The following PCM1 variants were observed in gnomAD, a reference collection of about 807,000 sequenced individuals.
The protein encoded by PCM1 is pericentriolar material 1 protein.
A neutral mutation model predicts 241.9 loss-of-function variants in PCM1; 157 were observed. The ratio of observed to expected loss-of-function variants is 0.65; its 90% CI spans 0.57 to 0.74. PCM1 has a LOEUF of 0.74. Among genes scored for constraint, PCM1 ranks in the 30% least tolerant of loss-of-function variants. PCM1 has a pLI of 0.00. For synonymous variants in PCM1, 1,085 were observed against 784.9 expected, an observed-to-expected ratio of 1.38 and a Z score of -6.39; for missense variants, 3,478 against 2,360.1, an observed-to-expected ratio of 1.47 and a Z score of -9.81.
At chr8:18,001,995 C>CTTTTTTTTTTTTT (rs1166401113) in intron 29 of PCM1, among the ~76,000 whole-genome samples, 1 of 23,404 alleles carries the variant, frequency 4.3e-5, no homozygotes, top group Non-Finnish European at 6.5e-5. Flanking sequence ...TCTAACCTTT[C>CTTTTTTTTTTTTT]TTTTTTTTTT....
In PCM1 at chr8:17,960,011, C is replaced by A. The variant is rs556539007; in HGVS notation, c.2041-3C>A. 2 of 1,611,592 alleles carry A rather than the reference C, an allele frequency of 1.2e-6. No individual in the cohort carries two copies. The highest frequency in any genetic ancestry group is 2.2e-5 in the East Asian group (1 of 44,810). On this transcript the variant is annotated splice_region_variant and splice_polypyrimidine_tract_variant and intron_variant, in intron 13 of 38. Coordinates refer to ENST00000325083, the MANE Select transcript of PCM1 (RefSeq NM_006197.4). ...TTGTTTTAATGTAATGATGCTCTTTCAGGATGATGATGCAGCTCAAGGAGT... is the reference window on the plus strand; with the variant it reads ...TTGTTTTAATGTAATGATGCTCTTTAAGGATGATGATGCAGCTCAAGGAGT...
chr8:17,992,678 A>G (rs1397788737), intron 28 of PCM1, among the ~76,000 whole-genome samples: 1 of 148,110 alleles, frequency 6.8e-6, no homozygotes. Context: ...ATGCAGTGGC[A>G]CAATCTCAGC....
At position 18,011,307 on chromosome 8, in the gene PCM1, G is replaced by A. The variant is rs1433696046; in HGVS notation, c.5291G>A (p.Arg1764Lys). ...GTGTATGATGGTCCCAAAAATGTAA[G>A]ATCTGATATTTCTGATCAAGAGGAA... ...SEVYDGPKNV[R>K]SDISDQEEDE... Residue 1764 changes from arginine to lysine, a missense_variant, in exon 33 of 39, where the codon AGA (arginine) becomes AAA (lysine). Physicochemically the swap from Arg to Lys is conservative, Grantham distance 26. Coordinates refer to ENST00000325083, the MANE Select transcript of PCM1 (RefSeq NM_006197.4). The A allele has an allele frequency of 1.9e-6, 3 of 1,607,680 alleles. No individual in the cohort carries two copies. Among genetic ancestry groups the A allele is most frequent in the South Asian group, 2.2e-5 (2 of 89,578 alleles).
intron 33 of PCM1, 131 bp downstream of exon 33, chr8:18,011,497 C>A: frequency 9.5e-7 from 1 of 1,054,382 alleles, no homozygotes; most frequent in Non-Finnish European, 1.3e-6. Flanking sequence ...TCACTGTGAC[C>A]CTGACTAAAT....
chr8:17,947,691 A>G (rs898818497), intron 7 of PCM1, among the ~76,000 whole-genome samples: 3 of 151,868 alleles, frequency 2.0e-5, no homozygotes, highest in Admixed American at 6.6e-5. Flanking sequence ...CTTTTTTTCT[A>G]TTTTATTCAG....
At chr8:17,943,497 AAC>A (rs1414187258) in intron 6 of PCM1, among the ~76,000 whole-genome samples, 1 of 152,208 alleles carries the variant, frequency 6.6e-6, no homozygotes, top group African/African-American at 2.4e-5. Context: ...TTTAAGAGTT[AAC>A]AGTTAATGCA....
chr8:17,974,950 G>A (rs140125270), intron 23 of PCM1, among the ~76,000 whole-genome samples: 48 of 151,808 alleles, frequency 3.2e-4, no homozygotes, highest in Non-Finnish European at 5.4e-4. Context: ...AGTAATATGG[G>A]GTAAAATCAA....
At chr8:18,001,628 A>G (rs1169442857) in intron 29 of PCM1, among the ~76,000 whole-genome samples, 3 of 152,206 alleles carry the variant, frequency 2.0e-5, no homozygotes, top group Non-Finnish European at 4.4e-5. Context: ...GTGAAAAGTA[A>G]TTGTTTTCTT....
chr8:17,944,772 A>G (rs1002139178), intron 6 of PCM1, among the ~76,000 whole-genome samples: 2 of 152,080 alleles, frequency 1.3e-5, no homozygotes, highest in African/African-American at 2.4e-5. Flanking sequence ...TTTTTTGAGC[A>G]TCAGTCTGAA....
Position 17,953,165 on chromosome 8 carries a change from C to G in PCM1, c.1267C>G (p.Gln423Glu), listed in dbSNP as rs542019472. Residue 423 changes from glutamine (Q) to glutamate (E), a missense_variant, in exon 9 of 39, where the codon CAG becomes GAG. Coordinates refer to ENST00000325083, the MANE Select transcript of PCM1 (RefSeq NM_006197.4). ...TGGAGAACTTCATACACTTCGAGATCAGCATCTTAACAATTCATCATGTGA... is the reference window on the plus strand; with the variant it reads ...TGGAGAACTTCATACACTTCGAGATGAGCATCTTAACAATTCATCATGTGA... Reference protein sequence around the residue: ...LLGELHTLRDQHLNNSSSSPQ... With the variant: ...LLGELHTLRDEHLNNSSSSPQ... 3.2e-6 allele frequency: 5 copies of G among 1,569,574 alleles called. No homozygotes were observed. The highest frequency in any genetic ancestry group is 2.3e-5 in the South Asian group (2 of 85,788).
intron 16 of PCM1, among the ~76,000 whole-genome samples, chr8:17,962,615 A>G (rs1321168853): frequency 6.6e-6 from 1 of 152,024 alleles, no homozygotes; most frequent in African/African-American, 2.4e-5. Flanking sequence ...TGTTTCTATT[A>G]ATAGGCCATG....
rs367975361 is a variant in PCM1, at chr8:18,011,858, C to T, written c.5511+31C>T. The T allele has an allele frequency of 3.6e-5, 55 of 1,547,626 alleles. No homozygotes were observed. In the African/African-American group the frequency reaches 1.0e-3, roughly 28 times the overall value. On this transcript the variant is annotated intron_variant, in intron 34 of 38. Transcript: ENST00000325083. ...CCCGTATTGACTGACACACTTCCAT[C>T]AGCCTTATTTTAACTAATCAAACTT...
Position 18,028,639 on chromosome 8 carries a change from T to TTAAG in PCM1, c.*979_*982dup, listed in dbSNP as rs2094373805. ...TGAAGTATTGAAAGTTTATGTGACT[T>TTAAG]TAAGTCAGCTTTTGAAAAGTGATTG... On this transcript the variant is annotated 3_prime_UTR_variant, in exon 39 of 39. Coordinates refer to ENST00000325083, the MANE Select transcript of PCM1 (RefSeq NM_006197.4). 1 of 184,264 alleles carries TTAAG rather than the reference T, an allele frequency of 5.4e-6. No homozygotes were observed. The highest frequency in any genetic ancestry group is 2.1e-4 in the South Asian group (1 of 4,686). The allele number at this position is 184,264 out of a possible 1,614,324, so 11.4% of individuals were successfully genotyped here. A position where few individuals can be genotyped will look rare whatever the true frequency, so the allele number is the denominator to read the frequency against.
At chr8:17,992,609 A>C (rs1342721509) in intron 28 of PCM1, among the ~76,000 whole-genome samples, 1 of 97,240 alleles carries the variant, frequency 1.0e-5, no homozygotes, top group African/African-American at 3.4e-5. Context: ...TACTACTACT[A>C]CTTTTTTTTT....
At position 17,957,390 on chromosome 8, in the gene PCM1, C is replaced by T; in HGVS notation, c.1773C>T (p.Asn591=). The change falls in exon 12 of 39, where the codon AAC becomes AAT. Residue 591 remains asparagine (N), a synonymous_variant. Transcript: ENST00000325083. ...AAATTAACAACAGATCTGCTGCCAA[C>T]ATAAGGGCTCTAAACATGCCTCCTT... is the stretch of plus-strand genomic sequence containing the variant. ...NCEINNRSAA[N]IRALNMPPSL... The T allele has an allele frequency of 6.2e-7, 1 of 1,612,628 alleles. No individual in the cohort carries two copies. Among genetic ancestry groups the T allele is most frequent in the South Asian group, 1.1e-5 (1 of 91,070 alleles).
chr8:17,963,188 C>G lies in PCM1; in HGVS notation c.2551C>G (p.Gln851Glu), dbSNP rs746995835. 1 of 1,613,572 alleles carries G rather than the reference C, an allele frequency of 6.2e-7. No individual in the cohort carries two copies. Among genetic ancestry groups the G allele is most frequent in the East Asian group, 2.2e-5 (1 of 44,858 alleles). ...KQLEALMAEH[Q>E]RRQGLAETAS... ...GCTTGAAGCTCTGATGGCTGAACAT[C>G]AGAGGAGGCAAGGTCTAGCTGAAAC... The change falls in exon 17 of 39, where the codon CAG (glutamine) becomes GAG (glutamate). Residue 851 changes from glutamine (Q) to glutamate (E), a missense_variant. By Grantham distance (29) the Gln-to-Glu change is conservative. Transcript: ENST00000325083.
intron 8 of PCM1, among the ~76,000 whole-genome samples, chr8:17,951,664 T>C (rs1358487229): frequency 6.6e-6 from 1 of 152,210 alleles, no homozygotes; most frequent in Non-Finnish European, 1.5e-5. Flanking sequence ...ACATTTTTAA[T>C]GTATGTATAC....
chr8:17,967,305 C>CCTT lies in PCM1; in HGVS notation c.3412+135_3412+136insCTT, dbSNP rs750023452. ...ATGTTTGCAAAGAAAGTTACAAACT[C>CCTT]TTTTTTTTTTTTTTCTTTTTGAGGC... On this transcript the variant is annotated intron_variant, in intron 21 of 38. Transcript: ENST00000325083. 4.2e-3 allele frequency: 2,172 copies of CCTT among 515,368 alleles called. 31 individuals are homozygous for CCTT. Among genetic ancestry groups the CCTT allele is most frequent in the African/African-American group, 0.042 (2,019 of 48,044 alleles). The allele number at this position is 515,368 out of a possible 1,614,324, so 31.9% of individuals were successfully genotyped here. A position where few individuals can be genotyped will look rare whatever the true frequency, so the allele number is the denominator to read the frequency against.
chr8:17,946,158 C>T (rs2063697565), intron 6 of PCM1, among the ~76,000 whole-genome samples: 1 of 151,948 alleles, frequency 6.6e-6, no homozygotes, highest in Non-Finnish European at 1.5e-5. Flanking sequence ...TTTGTAAGTG[C>T]CACTTATTTA....
Sources: allele counts gnomAD v4.1 joint callset (sites outside exome capture counted in the v4.1 genomes callset), GRCh38; gene constraint gnomAD v4.1.1; transcripts MANE v1.5; gene names NCBI Gene and HGNC (gene_info 2026-07-23, HGNC 2026-07-21).